Variants in DPP6 observed in about 807,000 individuals in gnomAD.
DPP6 encodes the protein dipeptidyl peptidase like 6, also known as A-type potassium channel modulatory protein DPP6.
DPP6 carries 69 observed loss-of-function variants against 122.6 expected under a neutral mutation model. The observed-to-expected ratio is 0.56, with a 90% confidence interval of 0.46 to 0.69. The LOEUF is 0.69. Ranked by LOEUF, DPP6 falls within the 30% of genes least tolerant of loss-of-function variation. The pLI, the probability that DPP6 is intolerant of heterozygous loss-of-function variation, is 0.00. For synonymous variants in DPP6, 418 were observed against 433.1 expected (o/e 0.97, Z 0.43); for missense variants, 928 against 1,116.9 (o/e 0.83, Z 2.41).
At chr7:153,849,268 A>T in the DPP6 span, among the ~76,000 whole-genome samples, 1 of 140,952 alleles carries the variant, frequency 7.1e-6, no homozygotes, top group African/African-American at 2.6e-5. Flanking sequence ...AGAGACATAT[A>T]TGTTTTCTTT....
chr7:154,754,034 TA>T (rs35297085), intron 8 of DPP6, among the ~76,000 whole-genome samples: 47,789 of 149,880 alleles, frequency 0.32, 9,552 homozygotes, highest in African/African-American at 0.57. Flanking sequence ...ACCTTCCCCT[TA>T]AAAAAAAAAC....
intron 1 of DPP6, among the ~76,000 whole-genome samples, chr7:153,991,202 A>G (rs537775127): frequency 1.5e-4 from 23 of 152,246 alleles, no homozygotes; most frequent in Non-Finnish European, 2.8e-4. Context: ...CAGATAGCTC[A>G]TAGCATTTGA....
chr7:153,852,076 T>C, the DPP6 span, among the ~76,000 whole-genome samples: 1 of 152,198 alleles, frequency 6.6e-6, no homozygotes, highest in East Asian at 1.9e-4. Flanking sequence ...TGGAGTTTGT[T>C]ATTTCATGGT....
chr7:154,631,646 A>G (rs9642650), intron 5 of DPP6, among the ~76,000 whole-genome samples: 64,380 of 151,040 alleles, frequency 0.43, 14,344 homozygotes, highest in African/African-American at 0.57. Flanking sequence ...CAGCCTGGGC[A>G]ACAGAACGAG....
chr7:154,565,234 C>G (rs1373912690), intron 4 of DPP6, among the ~76,000 whole-genome samples: 2 of 152,194 alleles, frequency 1.3e-5, no homozygotes, highest in Admixed American at 1.3e-4. Flanking sequence ...TCAAAGGAAG[C>G]TAACGTTGAG....
At chr7:154,649,627 G>A (rs898220428) in intron 6 of DPP6, among the ~76,000 whole-genome samples, 3 of 152,152 alleles carry the variant, frequency 2.0e-5, no homozygotes, top group Admixed American at 6.5e-5. Flanking sequence ...AAGCATCTGT[G>A]CTCACTGCAC....
intron 1 of DPP6, among the ~76,000 whole-genome samples, chr7:154,246,216 T>C (rs1801973554): frequency 6.6e-6 from 1 of 152,130 alleles, no homozygotes; most frequent in South Asian, 2.1e-4. Flanking sequence ...AAGAACAATA[T>C]GTCAAGGCTT....
At chr7:154,263,848 A>G (rs1803195088) in intron 1 of DPP6, among the ~76,000 whole-genome samples, 1 of 151,978 alleles carries the variant, frequency 6.6e-6, no homozygotes, top group Non-Finnish European at 1.5e-5. Context: ...CCACTACCAC[A>G]CACGGCTAAT....
chr7:154,500,897 T>C (rs1825180721), intron 3 of DPP6, among the ~76,000 whole-genome samples: 1 of 152,220 alleles, frequency 6.6e-6, no homozygotes, highest in Non-Finnish European at 1.5e-5. Context: ...TGGGAAAGTT[T>C]GGAACTTCCT....
intron 4 of DPP6, among the ~76,000 whole-genome samples, chr7:154,543,528 T>C (rs1481836708): frequency 6.6e-6 from 1 of 152,214 alleles, no homozygotes; most frequent in African/African-American, 2.4e-5. Flanking sequence ...AGATAGCTGG[T>C]GATTAAGCAA....
chr7:154,390,784 A>AC lies in DPP6; in HGVS notation c.244-55425dup, dbSNP rs549536390. Among the ~76,000 whole-genome samples, 79 of 151,618 alleles carry AC rather than the reference A, an allele frequency of 5.2e-4. 1 individual carries two copies. In the South Asian group the frequency reaches 0.017, roughly 32 times the overall value. The stretch of plus-strand genomic sequence containing the variant: ...AGAAAAGCCTTTCCTAGCATTCATG[A>AC]CCCCCATCCTGTATCATCCAGGTTC... On this transcript the variant is annotated intron_variant, in intron 1 of 25. Coordinates refer to ENST00000377770, the MANE Select transcript of DPP6 (RefSeq NM_130797.4).
At chr7:154,820,606 T>C (rs566516897) in intron 16 of DPP6, among the ~76,000 whole-genome samples, 1 of 152,252 alleles carries the variant, frequency 6.6e-6, no homozygotes, top group South Asian at 2.1e-4. Flanking sequence ...CACCAGAAAG[T>C]GCCCTAGAAA....
chr7:153,921,350 A>G (rs908581997), intron 1 of DPP6, among the ~76,000 whole-genome samples: 1 of 152,254 alleles, frequency 6.6e-6, no homozygotes, highest in Non-Finnish European at 1.5e-5. Flanking sequence ...CATCTTAAGT[A>G]TTAGGATCTT....
At chr7:153,950,412 C>T (rs189659999) in intron 1 of DPP6, among the ~76,000 whole-genome samples, 87 of 152,214 alleles carry the variant, frequency 5.7e-4, no homozygotes, top group Middle Eastern at 3.4e-3. Flanking sequence ...GATCCCTGTA[C>T]GTTATGCGCC....
chr7:153,926,741 T>C (rs975910988), intron 1 of DPP6, among the ~76,000 whole-genome samples: 1 of 151,792 alleles, frequency 6.6e-6, no homozygotes, highest in East Asian at 1.9e-4. Context: ...AATTTCTCCC[T>C]ATGTAGCATT....
At chr7:154,514,904 A>C (rs1826367948) in intron 3 of DPP6, among the ~76,000 whole-genome samples, 1 of 152,222 alleles carries the variant, frequency 6.6e-6, no homozygotes, top group South Asian at 2.1e-4. Flanking sequence ...GTCTATGCCT[A>C]GCAGTGGAAT....
At chr7:154,478,372 A>C (rs575033886) in intron 3 of DPP6, among the ~76,000 whole-genome samples, 2 of 152,142 alleles carry the variant, frequency 1.3e-5, no homozygotes, top group African/African-American at 4.8e-5. Flanking sequence ...AGTGATAGAC[A>C]TAAGAATTAT....
chr7:154,612,133 G>A (rs898208306), intron 5 of DPP6, among the ~76,000 whole-genome samples: 1 of 152,072 alleles, frequency 6.6e-6, no homozygotes, highest in Non-Finnish European at 1.5e-5. Flanking sequence ...ACAGATGTGG[G>A]CCCCTTGATC....
At chr7:154,595,553 C>CT (rs1167059683) in intron 5 of DPP6, among the ~76,000 whole-genome samples, 1 of 152,226 alleles carries the variant, frequency 6.6e-6, no homozygotes, top group Non-Finnish European at 1.5e-5. Context: ...CCACTGTGAG[C>CT]TGAGTTAAAA....
Sources: gnomAD v4.1 joint callset for allele counts (sites outside exome capture counted in the v4.1 genomes callset) on GRCh38, gnomAD v4.1.1 for gene constraint, MANE v1.5 for transcripts, NCBI Gene and HGNC (gene_info 2026-07-23, HGNC 2026-07-21) for gene names.